ZNF708: variants seen among roughly 807,000 people sequenced by gnomAD.
ZNF708 encodes the protein ZNF15, ZNF15L1.
Under a neutral mutation model 47.0 loss-of-function variants are expected in ZNF708, and 44 were observed. The observed-to-expected ratio is 0.94, with a 90% confidence interval of 0.74 to 1.20. The LOEUF is 1.20. Ranked by LOEUF, ZNF708 falls within the 50% of genes most tolerant of loss-of-function variation. The pLI is 0.00. For synonymous variants in ZNF708, 184 were observed against 218.5 expected (o/e 0.84, Z 1.39); for missense variants, 557 against 656.0 (o/e 0.85, Z 1.65).
At chr19:21,307,034 C>CATAAA (rs373290585) in intron 3 of ZNF708, 2 of 113,410 alleles carry the variant, frequency 1.8e-5, no homozygotes, top group Non-Finnish European at 3.8e-5. Flanking sequence ...ACATAACATA[C>CATAAA]ATAAAATAAA....
At chr19:21,326,355 T>C (rs1973255384) in intron 1 of ZNF708, among the ~76,000 whole-genome samples, 1 of 152,180 alleles carries the variant, frequency 6.6e-6, no homozygotes, top group Admixed American at 6.5e-5. Context: ...AACTGTGGTA[T>C]ATATATACAA....
Position 21,293,144 on chromosome 19 carries a change from CTTT to C in ZNF708, c.*127_*129del. On this transcript the variant is annotated 3_prime_UTR_variant, in exon 4 of 4. Coordinates refer to ENST00000356929, the MANE Select transcript of ZNF708 (RefSeq NM_021269.3). ...AGGGTTTCTCTCTAGTATGAATTATCTTTTGTTTCATAAGGATTAAGAGCCAGT... is the reference window on the plus strand; with the variant it reads ...AGGGTTTCTCTCTAGTATGAATTATCTGTTTCATAAGGATTAAGAGCCAGT... 1 of 1,147,608 alleles carries C rather than the reference CTTT, an allele frequency of 8.7e-7. No individual in the cohort carries two copies. The highest frequency in any genetic ancestry group is 1.4e-5 in the South Asian group (1 of 70,092). 71.1% of individuals were successfully genotyped at this position (1,147,608 alleles called of 1,614,324 possible).
chr19:21,312,051 T>C (rs1781868), intron 1 of ZNF708, among the ~76,000 whole-genome samples: 2 of 152,024 alleles, frequency 1.3e-5, no homozygotes, highest in Non-Finnish European at 2.9e-5. Context: ...TCCCAGCACT[T>C]TGGGGGGCCA....
intron 3 of ZNF708, among the ~76,000 whole-genome samples, chr19:21,302,433 C>G (rs534304221): frequency 3.3e-5 from 5 of 152,218 alleles, no homozygotes; most frequent in African/African-American, 1.2e-4. Flanking sequence ...TGCTGTGGCT[C>G]ACATCTGTAA....
rs551615332 is a variant in ZNF708 at position 21,310,097 on chromosome 19, C to T, written c.130+404G>A. On this transcript the variant is annotated intron_variant, in intron 2 of 3. Transcript: ENST00000356929. ...GTAAGCATAAATTGCCAAAAAAACA[C>T]GCAACAAAAAAGAGAAATAAAACCT... Among the ~76,000 whole-genome samples, 74 of 152,024 alleles carry T rather than the reference C, an allele frequency of 4.9e-4. No individual in the cohort carries two copies. The South Asian group carries it at 0.015, about 30-fold the overall frequency.
chr19:21,300,199 A>AAG (rs1972626313), intron 3 of ZNF708, among the ~76,000 whole-genome samples: 1 of 148,666 alleles, frequency 6.7e-6, no homozygotes, highest in Non-Finnish European at 1.5e-5. Context: ...GCAACAGAGC[A>AAG]AGACTCCGTC....
chr19:21,310,336 G>T (rs1051957959), intron 2 of ZNF708, among the ~76,000 whole-genome samples, 165 bp downstream of exon 2: 4 of 150,902 alleles, frequency 2.7e-5, no homozygotes, highest in Admixed American at 2.6e-4. Flanking sequence ...TCTCAGCTAC[G>T]CAGGAGGCTG....
chr19:21,294,501 T>C lies in ZNF708; in HGVS notation c.465A>G (p.Ala155=). Residue 155 remains alanine, a synonymous_variant, in exon 4 of 4, where the codon GCA becomes GCG. Transcript: ENST00000356929. The part of the protein sequence containing the change: ...YVKVFHKYSN[A]KRHKIRHTGK... ...CAGTATGTCTTATCTTATGTCTCTT[T>C]GCATTTGAATATTTATGAAAGACTT... 6.2e-7 allele frequency: 1 copy of C among 1,614,170 alleles called. No homozygotes were observed. Among genetic ancestry groups the C allele is most frequent in the Non-Finnish European group, 8.5e-7 (1 of 1,180,008 alleles).
chr19:21,324,043 TC>T (rs1973206213), intron 1 of ZNF708, among the ~76,000 whole-genome samples: 1 of 147,856 alleles, frequency 6.8e-6, no homozygotes, highest in African/African-American at 2.5e-5. Context: ...ATCAAGACCA[TC>T]CTGGCTAACA....
intron 1 of ZNF708, among the ~76,000 whole-genome samples, chr19:21,314,713 A>C (rs1311807510): frequency 2.0e-5 from 3 of 152,170 alleles, no homozygotes; most frequent in Non-Finnish European, 4.4e-5. Flanking sequence ...CCCAAGTACC[A>C]GAAAACTGGA....
chr19:21,324,204 A>G (rs1973211695), intron 1 of ZNF708, among the ~76,000 whole-genome samples: 2 of 152,092 alleles, frequency 1.3e-5, no homozygotes, highest in South Asian at 4.1e-4. Flanking sequence ...AGATCGCGCC[A>G]CTGCACTCCA....
chr19:21,307,148 TAA>T (rs1972797105), intron 3 of ZNF708, among the ~76,000 whole-genome samples: 37 of 132,580 alleles, frequency 2.8e-4, no homozygotes, highest in African/African-American at 8.9e-4. Context: ...TAAAATAAAA[TAA>T]AATATAATAT....
In ZNF708 at chr19:21,309,226, T is replaced by C. The variant is rs1265742765; in HGVS notation, c.226+20A>G. ...TTGGACCTCACATCTGTGTCATCTG[T>C]TGTGTTCACTCTCACCTACCTGGGG... On this transcript the variant is annotated intron_variant, in intron 3 of 3. Coordinates refer to ENST00000356929, the MANE Select transcript of ZNF708 (RefSeq NM_021269.3). 1.3e-6 allele frequency: 2 copies of C among 1,573,740 alleles called. No individual in the cohort carries two copies. Among genetic ancestry groups the C allele is most frequent in the East Asian group, 4.6e-5 (2 of 43,680 alleles).
Position 21,294,210 on chromosome 19 carries a change from G to A in ZNF708, c.756C>T (p.Tyr252=). Residue 252 remains tyrosine, a synonymous_variant, in exon 4 of 4, where the codon TAC becomes TAT. Transcript: ENST00000356929. Reference sequence around the variant, plus strand: ...AAGCTTTGCCACATTCTTCACATTTGTAGAGTTTCTCTCCAGTATGAATTA... The same window carrying A: ...AAGCTTTGCCACATTCTTCACATTTATAGAGTTTCTCTCCAGTATGAATTA... ...HKIIHTGEKL[Y]KCEECGKAFN... is the part of the protein sequence containing the mutation. 6.2e-7 allele frequency: 1 copy of A among 1,612,872 alleles called. No individual in the cohort carries two copies. The highest frequency in any genetic ancestry group is 1.1e-5 in the South Asian group (1 of 91,054).
At chr19:21,321,449 A>G (rs1053695348) in intron 1 of ZNF708, among the ~76,000 whole-genome samples, 5 of 152,008 alleles carry the variant, frequency 3.3e-5, no homozygotes, top group Non-Finnish European at 5.9e-5. Context: ...TTAGCCTGGC[A>G]TGGTGATACA....
intron 1 of ZNF708, among the ~76,000 whole-genome samples, chr19:21,324,083 C>A (rs369721289): frequency 3.4e-5 from 5 of 146,756 alleles, no homozygotes; most frequent in East Asian, 2.0e-4. Context: ...ACTAAAAATA[C>A]AAAAAAAAAA....
chr19:21,328,974 G>A (rs1329915060), intron 1 of ZNF708, among the ~76,000 whole-genome samples: 1 of 152,142 alleles, frequency 6.6e-6, no homozygotes, highest in Non-Finnish European at 1.5e-5. Flanking sequence ...CGCCCAGAGA[G>A]GGCTGCAGGC....
chr19:21,305,178 T>G (rs773561025), intron 3 of ZNF708, among the ~76,000 whole-genome samples: 1 of 151,350 alleles, frequency 6.6e-6, no homozygotes, highest in African/African-American at 2.4e-5. Context: ...GCCCAGCTAA[T>G]TTTTGTATTT....
At position 21,327,548 on chromosome 19, in the gene ZNF708, G is replaced by T. The variant is rs1427205654; in HGVS notation, c.3+1662C>A. 7.7e-5 allele frequency among the ~76,000 whole-genome samples: 10 copies of T among 129,642 alleles called. No homozygotes were observed. In the East Asian group the frequency reaches 2.2e-3, roughly 29 times the overall value. The allele number at this position is 129,642 out of a possible 152,430, so 85.1% of individuals were successfully genotyped here. A position where few individuals can be genotyped will look rare whatever the true frequency, so the allele number is the denominator to read the frequency against. ...ACTCCACCTCAAAAAAAAAAAAAAA[G>T]AAAAGAAAGAAAACAGATGTGTCTG... is the stretch of plus-strand genomic sequence containing the variant. On this transcript the variant is annotated intron_variant, in intron 1 of 3. Coordinates refer to ENST00000356929, the MANE Select transcript of ZNF708 (RefSeq NM_021269.3).
Sources: gnomAD v4.1 joint callset for allele counts (sites outside exome capture counted in the v4.1 genomes callset) on GRCh38, gnomAD v4.1.1 for gene constraint, MANE v1.5 for transcripts, NCBI Gene and HGNC (gene_info 2026-07-23, HGNC 2026-07-21) for gene names.